The following KCNMA1 variants were observed in gnomAD, a reference collection of about 807,000 sequenced individuals.
KCNMA1 encodes Calcium-activated potassium channel subunit alpha-1.
A neutral mutation model predicts 140.0 loss-of-function variants in KCNMA1; 29 were observed. The ratio of observed to expected loss-of-function variants is 0.21; its 90% CI spans 0.15 to 0.28. KCNMA1 has a LOEUF of 0.28. KCNMA1 is among the 10% of genes least tolerant of loss of function. The probability of loss-of-function intolerance (pLI) is 1.00; values close to 1 mark genes in which losing one functional copy is unlikely to be tolerated. For synonymous variants in KCNMA1, 612 were observed against 611.9 expected (o/e 1.00, Z 0.00); for missense variants, 880 against 1,602.2 (o/e 0.55, Z 7.70).
intron 23 of KCNMA1, among the ~76,000 whole-genome samples, chr10:76,924,359 A>G (rs2057017161): frequency 6.6e-6 from 1 of 151,976 alleles, no homozygotes; most frequent in Non-Finnish European, 1.5e-5. Flanking sequence ...AAAAGTATTT[A>G]TATCTATGGA....
At chr10:77,014,340 C>T (rs557466220) in intron 17 of KCNMA1, among the ~76,000 whole-genome samples, 4 of 151,610 alleles carry the variant, frequency 2.6e-5, no homozygotes, top group East Asian at 1.9e-4. Context: ...GCAGGAGAAT[C>T]GCTTGAATCC....
intron 2 of KCNMA1, among the ~76,000 whole-genome samples, chr10:77,331,012 T>C (rs1033355356): frequency 2.0e-5 from 3 of 152,088 alleles, no homozygotes; most frequent in African/African-American, 7.2e-5. Flanking sequence ...CCATTCCCTC[T>C]CCAACGTACA....
chr10:77,250,945 A>G, intron 3 of KCNMA1: 1 of 496,066 alleles, frequency 2.0e-6, no homozygotes, highest in Non-Finnish European at 3.7e-6. Flanking sequence ...TTTAAAAATA[A>G]GTAATACCCA....
intron 2 of KCNMA1, among the ~76,000 whole-genome samples, chr10:77,339,482 C>A (rs1365379610): frequency 6.6e-6 from 1 of 152,120 alleles, no homozygotes; most frequent in African/African-American, 2.4e-5. Flanking sequence ...TTTGTATCTA[C>A]CCCCAGCAAC....
chr10:77,192,038 C>T (rs953387212), intron 3 of KCNMA1, among the ~76,000 whole-genome samples: 1 of 152,094 alleles, frequency 6.6e-6, no homozygotes, highest in African/African-American at 2.4e-5. Context: ...TCTTTAGCAT[C>T]CATATACACT....
intron 3 of KCNMA1, among the ~76,000 whole-genome samples, chr10:77,239,849 T>C (rs183600321): frequency 3.9e-4 from 60 of 152,310 alleles, no homozygotes; most frequent in African/African-American, 1.4e-3. Flanking sequence ...AAATATTAAA[T>C]ACAAAGTTCA....
chr10:76,878,133 C>T lies in KCNMA1; in HGVS notation c.3428-243G>A, dbSNP rs561779515. On this transcript the variant is annotated intron_variant, in intron 29 of 29. Transcript: ENST00000372403. ...CACTGGGACTCATAGGCACCATGGG[C>T]GGACCTCAGAGGCTAAGGAGGGATT... Among the ~76,000 whole-genome samples, 3 of 152,218 alleles carry T rather than the reference C, an allele frequency of 2.0e-5. No homozygotes were observed. In the South Asian group the frequency reaches 6.2e-4, roughly 32 times the overall value.
At chr10:77,427,718 TTCA>T (rs1323131010) in intron 1 of KCNMA1, among the ~76,000 whole-genome samples, 2 of 60,694 alleles carry the variant, frequency 3.3e-5, no homozygotes, top group African/African-American at 8.2e-5. Context: ...CATCCATCCA[TTCA>T]TTTATTTATT....
chr10:77,241,515 G>GTT (rs1182375463), intron 3 of KCNMA1, among the ~76,000 whole-genome samples: 1 of 151,960 alleles, frequency 6.6e-6, no homozygotes, highest in Non-Finnish European at 1.5e-5. Flanking sequence ...GGGCATGATG[G>GTT]TGCCCAGCTG....
chr10:77,193,992 TA>T (rs1427075164), intron 3 of KCNMA1, among the ~76,000 whole-genome samples: 1 of 152,138 alleles, frequency 6.6e-6, no homozygotes, highest in Non-Finnish European at 1.5e-5. Context: ...AATTGCCACC[TA>T]TGTGCTAGGA....
chr10:77,254,585 G>C (rs2060335225), intron 2 of KCNMA1, among the ~76,000 whole-genome samples: 1 of 152,122 alleles, frequency 6.6e-6, no homozygotes, highest in African/African-American at 2.4e-5. Flanking sequence ...TATGCAATTA[G>C]TGATAAATCA....
chr10:76,954,306 G>C (rs374165932), intron 20 of KCNMA1, among the ~76,000 whole-genome samples: 5 of 150,084 alleles, frequency 3.3e-5, no homozygotes, highest in Non-Finnish European at 7.4e-5. Flanking sequence ...CACACACACA[G>C]ACAGACACAC....
chr10:77,140,630 G>T (rs1299398359), intron 5 of KCNMA1: 1 of 152,414 alleles, frequency 6.6e-6, no homozygotes, highest in African/African-American at 2.4e-5. Flanking sequence ...AGGTCCTCCT[G>T]TCCAGCGCAG....
intron 9 of KCNMA1, among the ~76,000 whole-genome samples, chr10:77,106,381 T>A (rs1014699830): frequency 6.6e-6 from 1 of 152,080 alleles, no homozygotes; most frequent in African/African-American, 2.4e-5. Flanking sequence ...CCTGAAAGTT[T>A]GAGTGGAACT....
chr10:76,976,879 G>A (rs144827541), intron 19 of KCNMA1, among the ~76,000 whole-genome samples: 5 of 152,240 alleles, frequency 3.3e-5, no homozygotes, highest in East Asian at 1.9e-4. Context: ...AGAGATGAAC[G>A]ATGGAATTCT....
rs202186938 is a variant in KCNMA1, at chr10:77,027,890, G to A, written c.1861C>T (p.Leu621=). Residue 621 remains leucine, a splice_region_variant and synonymous_variant, in exon 16 of 28, where the codon CTG becomes TTG. Coordinates refer to ENST00000286628, the MANE Select transcript of KCNMA1 (RefSeq NM_001161352.2). ...AGGAGCTTGAGCTTCACAAAACACA[G>A]CCTGCAATGAGATGGAGAAGCCTCC... is the stretch of plus-strand genomic sequence containing the variant. The part of the protein sequence containing the change: ...VGLSFPTVCE[L]CFVKLKLLMI... 6.8e-6 allele frequency: 11 copies of A among 1,613,100 alleles called. No individual in the cohort carries two copies. The South Asian group carries it at 9.9e-5, about 14-fold the overall frequency.
intron 26 of KCNMA1, 107 bp downstream of exon 26, chr10:76,891,418 G>A: frequency 1.2e-6 from 1 of 812,688 alleles, no homozygotes; most frequent in Non-Finnish European, 2.1e-6. Context: ...TCTACAATAG[G>A]AAGGAGAAAA....
chr10:77,372,553 C>T (rs1490650887), intron 2 of KCNMA1, among the ~76,000 whole-genome samples: 1 of 152,186 alleles, frequency 6.6e-6, no homozygotes, highest in Non-Finnish European at 1.5e-5. Context: ...CAGTCCTTTG[C>T]TCTTGCCTGC....
rs796409334 is a variant in KCNMA1 at position 77,082,571 on chromosome 10, A to AT, written c.1523+2065dup. On this transcript the variant is annotated intron_variant, in intron 12 of 27. Transcript: ENST00000286628. ...GAAGCCAGGTTCCTTAAAGGGTTAC[A>AT]TTTTTTTTTTTAAATCATTTCCAAT... Among the ~76,000 whole-genome samples the AT allele has an allele frequency of 2.6e-3, 386 of 148,770 alleles. 3 individuals carry two copies. The highest frequency in any genetic ancestry group is 8.0e-3 in the African/African-American group (325 of 40,710).
Sources: gnomAD v4.1 joint callset for allele counts (sites outside exome capture counted in the v4.1 genomes callset) on GRCh38, gnomAD v4.1.1 for gene constraint, MANE v1.5 for transcripts, NCBI Gene and HGNC (gene_info 2026-07-23, HGNC 2026-07-21) for gene names.